Variants in NLGN1 observed in about 807,000 individuals in gnomAD.
NLGN1 encodes neuroligin 1.
NLGN1 carries 12 observed loss-of-function variants against 65.5 expected under a neutral mutation model. That is an observed-to-expected ratio of 0.18 (90% CI 0.12 to 0.30). The LOEUF (loss-of-function observed/expected upper bound fraction) is 0.30, where lower values mean the gene tolerates loss of function less well. Among genes scored for constraint, NLGN1 ranks in the 10% least tolerant of loss-of-function variants. The pLI is 1.00. For synonymous variants in NLGN1, 350 were observed against 359.5 expected (o/e 0.97, Z 0.30); for missense variants, 750 against 1,007.1 (o/e 0.74, Z 3.46).
intron 4 of NLGN1, among the ~76,000 whole-genome samples, chr3:174,187,653 C>T (rs532836656): frequency 6.6e-6 from 1 of 151,908 alleles, no homozygotes; most frequent in African/African-American, 2.4e-5. Context: ...GCCAGGAGAT[C>T]GGAAATTATT....
intron 3 of NLGN1, among the ~76,000 whole-genome samples, chr3:173,709,834 A>C (rs1768663115): frequency 6.6e-6 from 1 of 150,846 alleles, no homozygotes; most frequent in African/African-American, 2.4e-5. Flanking sequence ...AAAATCAAGA[A>C]CCATATGCGC....
chr3:173,471,069 TG>T (rs1236162564), intron 2 of NLGN1, among the ~76,000 whole-genome samples: 1 of 152,080 alleles, frequency 6.6e-6, no homozygotes, highest in Admixed American at 6.6e-5. Flanking sequence ...AAGAATTAGT[TG>T]ATCTCCAGAA....
intron 4 of NLGN1, among the ~76,000 whole-genome samples, chr3:174,175,193 A>T (rs1222509870): frequency 6.6e-6 from 1 of 151,532 alleles, no homozygotes; most frequent in Non-Finnish European, 1.5e-5. Context: ...TTCTTTGCTG[A>T]TTTTTTTTGT....
chr3:174,127,566 G>T (rs777208392), intron 4 of NLGN1, among the ~76,000 whole-genome samples: 1 of 151,928 alleles, frequency 6.6e-6, no homozygotes, highest in East Asian at 1.9e-4. Flanking sequence ...AAATGTGTCG[G>T]TCATACTACC....
intron 4 of NLGN1, among the ~76,000 whole-genome samples, chr3:174,219,991 A>G (rs1738337698): frequency 6.6e-6 from 1 of 152,140 alleles, no homozygotes; most frequent in African/African-American, 2.4e-5. Flanking sequence ...GTTAGAGAAT[A>G]TAATGAAGAC....
intron 4 of NLGN1, among the ~76,000 whole-genome samples, chr3:174,242,022 C>T (rs1037193631): frequency 7.9e-5 from 12 of 152,238 alleles, no homozygotes; most frequent in Admixed American, 7.8e-4. Context: ...TCATGAAGCA[C>T]TTCTTAACTT....
At chr3:174,261,091 T>C (rs1746803355) in intron 4 of NLGN1, among the ~76,000 whole-genome samples, 1 of 152,218 alleles carries the variant, frequency 6.6e-6, no homozygotes, top group African/African-American at 2.4e-5. Context: ...ACTGTAGCCT[T>C]GTAGTACAGT....
intron 3 of NLGN1, among the ~76,000 whole-genome samples, chr3:173,704,164 G>A (rs1287674451): frequency 6.6e-6 from 1 of 152,166 alleles, no homozygotes; most frequent in African/African-American, 2.4e-5. Flanking sequence ...TACTTGGTTT[G>A]GGAGGCATAA....
At chr3:174,236,056 T>C (rs1170563574) in intron 4 of NLGN1, among the ~76,000 whole-genome samples, 3 of 152,176 alleles carry the variant, frequency 2.0e-5, no homozygotes, top group South Asian at 4.1e-4. Context: ...ACTTAGATTG[T>C]GCTGGCACAG....
chr3:173,653,687 A>G (rs1385473648), intron 3 of NLGN1, among the ~76,000 whole-genome samples: 2 of 152,164 alleles, frequency 1.3e-5, no homozygotes, highest in African/African-American at 4.8e-5. Flanking sequence ...TGAGACATGG[A>G]ATCTGATTTC....
chr3:173,600,579 A>C (rs1423341348), intron 2 of NLGN1, among the ~76,000 whole-genome samples: 1 of 21,638 alleles, frequency 4.6e-5, no homozygotes, highest in African/African-American at 8.3e-5. Flanking sequence ...GCAAGGTAGA[A>C]ATAAAAACAT....
intron 2 of NLGN1, among the ~76,000 whole-genome samples, chr3:173,557,444 ATAAT>A (rs1236220000): frequency 6.6e-6 from 1 of 152,090 alleles, no homozygotes; most frequent in African/African-American, 2.4e-5. Context: ...TACATTTAAT[ATAAT>A]TATTTATAAG....
At chr3:173,855,549 T>C (rs1195898159) in intron 4 of NLGN1, among the ~76,000 whole-genome samples, 2 of 152,112 alleles carry the variant, frequency 1.3e-5, no homozygotes, top group Non-Finnish European at 2.9e-5. Flanking sequence ...AATGTATTCT[T>C]GTAGTCTTCC....
chr3:173,547,779 C>G (rs912150864), intron 2 of NLGN1, among the ~76,000 whole-genome samples: 1 of 151,994 alleles, frequency 6.6e-6, no homozygotes, highest in African/African-American at 2.4e-5. Context: ...GTTGTTAGTA[C>G]TCTCTTGGGG....
chr3:174,276,346 A>G (rs1378714779), intron 5 of NLGN1, among the ~76,000 whole-genome samples: 1 of 151,940 alleles, frequency 6.6e-6, no homozygotes, highest in Non-Finnish European at 1.5e-5. Flanking sequence ...TGCATTATTA[A>G]TTTGAAATTT....
intron 4 of NLGN1, among the ~76,000 whole-genome samples, chr3:174,163,772 T>C (rs1727009569): frequency 6.6e-6 from 1 of 152,130 alleles, no homozygotes; most frequent in African/African-American, 2.4e-5. Context: ...TTTGTTCTTC[T>C]TAATGGCTGC....
At chr3:173,784,013 T>C (rs1024569883) in intron 3 of NLGN1, among the ~76,000 whole-genome samples, 5 of 152,180 alleles carry the variant, frequency 3.3e-5, no homozygotes, top group Non-Finnish European at 7.4e-5. Context: ...CAGGTTTCCC[T>C]AGAGGAATTT....
At chr3:174,022,309 C>T (rs566702366) in intron 4 of NLGN1, among the ~76,000 whole-genome samples, 10 of 152,160 alleles carry the variant, frequency 6.6e-5, no homozygotes, top group African/African-American at 9.6e-5. Context: ...TATTTGTTAC[C>T]GTGACATAAA....
chr3:174,128,748 G>C (rs1167401281), intron 4 of NLGN1, among the ~76,000 whole-genome samples: 1 of 152,114 alleles, frequency 6.6e-6, no homozygotes, highest in South Asian at 2.1e-4. Context: ...GGAGACACCT[G>C]CCTGGACATT....
Sources: allele counts gnomAD v4.1 joint callset (sites outside exome capture counted in the v4.1 genomes callset), GRCh38; gene constraint gnomAD v4.1.1; transcripts MANE v1.5; gene names NCBI Gene and HGNC (gene_info 2026-07-23, HGNC 2026-07-21).